Variants in EHMT1 observed in about 807,000 individuals in gnomAD.
EHMT1 encodes histone-lysine N-methyltransferase EHMT1.
A neutral mutation model predicts 147.2 loss-of-function variants in EHMT1; 15 were observed. That is an observed-to-expected ratio of 0.10 (90% CI 0.07 to 0.16). The LOEUF is 0.16. Among genes scored for constraint, EHMT1 ranks in the 10% least tolerant of loss-of-function variants. EHMT1 has a pLI of 1.00. For missense variants in EHMT1, 1,587 were observed against 1,772.4 expected (o/e 0.90, Z 1.88); for synonymous variants, 795 against 709.6 (o/e 1.12, Z -1.91).
At chr9:137,739,273 G>C (rs540733073) in intron 4 of EHMT1, among the ~76,000 whole-genome samples, 1 of 151,346 alleles carries the variant, frequency 6.6e-6, no homozygotes, top group Admixed American at 6.6e-5. Context: ...GGAGAATGGC[G>C]TGAACCCAGG....
At chr9:137,683,954 G>A (rs1394302113) in intron 1 of EHMT1, among the ~76,000 whole-genome samples, 1 of 151,966 alleles carries the variant, frequency 6.6e-6, no homozygotes, top group African/African-American at 2.4e-5. Flanking sequence ...TTAGAGAGAT[G>A]CTTGAACCCG....
chr9:137,766,479 G>A (rs566860830), intron 10 of EHMT1, among the ~76,000 whole-genome samples: 1 of 152,286 alleles, frequency 6.6e-6, no homozygotes, highest in African/African-American at 2.4e-5. Flanking sequence ...GCCACTTGTG[G>A]TGGCGCCTGC....
intron 3 of EHMT1, among the ~76,000 whole-genome samples, chr9:137,726,038 C>T (rs1946589877): frequency 6.6e-6 from 1 of 152,130 alleles, no homozygotes; most frequent in Admixed American, 6.5e-5. Context: ...TACTTATGAC[C>T]TTGGTTACTT....
rs748163301 is a variant in EHMT1 at position 137,782,271 on chromosome 9, A to G, written c.2276-20A>G. The G allele has an allele frequency of 2.5e-6, 4 of 1,599,336 alleles. No individual in the cohort carries two copies. The highest frequency in any genetic ancestry group is 3.4e-6 in the Non-Finnish European group (4 of 1,168,386). On this transcript the variant is annotated intron_variant, in intron 14 of 26. Transcript: ENST00000460843. The surrounding 1 kb of genome is among the most constrained non-coding windows in gnomAD (Gnocchi z 5.7). ...TGTGGCTACATCTGAAATCATTAAT[A>G]AAACTGTGTTTGTTCACAGTGGACG...
At position 137,775,309 on chromosome 9, in the gene EHMT1, T is replaced by A; in HGVS notation, c.1791+57T>A. ...TCCGCAGGCTTTGCTGTCTGCTCACTGGTGCTGGTTCCTGTCCTGTGTCCA... is the reference window on the plus strand; with the variant it reads ...TCCGCAGGCTTTGCTGTCTGCTCACAGGTGCTGGTTCCTGTCCTGTGTCCA... On this transcript the variant is annotated intron_variant, in intron 11 of 26. Transcript: ENST00000460843. The surrounding 1 kb of genome is among the most constrained non-coding windows in gnomAD (Gnocchi z 6.1). 1 of 1,593,376 alleles carries A rather than the reference T, an allele frequency of 6.3e-7. No individual in the cohort carries two copies. Among genetic ancestry groups the A allele is most frequent in the Non-Finnish European group, 8.5e-7 (1 of 1,176,564 alleles).
intron 1 of EHMT1, among the ~76,000 whole-genome samples, chr9:137,664,408 C>T (rs1470990137): frequency 2.6e-5 from 4 of 151,820 alleles, no homozygotes; most frequent in Admixed American, 2.6e-4. Context: ...TACAGGTGCC[C>T]TCCACCACAC....
chr9:137,705,628 C>T (rs1193831531), intron 1 of EHMT1, among the ~76,000 whole-genome samples: 4 of 152,288 alleles, frequency 2.6e-5, no homozygotes, highest in African/African-American at 2.4e-5. Flanking sequence ...GCCGTGCGGG[C>T]GCAGAGGTCA....
chr9:137,681,833 G>GTGC (rs1941970136), intron 1 of EHMT1, among the ~76,000 whole-genome samples: 1 of 152,190 alleles, frequency 6.6e-6, no homozygotes, highest in Non-Finnish European at 1.5e-5. Flanking sequence ...GTGAGACATT[G>GTGC]TGCTCATTCA....
At chr9:137,700,063 G>A (rs1477545275) in intron 1 of EHMT1, among the ~76,000 whole-genome samples, 2 of 152,132 alleles carry the variant, frequency 1.3e-5, no homozygotes, top group Non-Finnish European at 2.9e-5. Flanking sequence ...GAATAAAGAG[G>A]TTACTGTCTT....
intron 10 of EHMT1, among the ~76,000 whole-genome samples, chr9:137,768,529 A>AGTT (rs1950380449): frequency 5.5e-5 from 1 of 18,280 alleles, no homozygotes; most frequent in Admixed American, 8.8e-4. Flanking sequence ...AATTTTTTGT[A>AGTT]TTTTTTTTTT....
At chr9:137,781,347 ATGACGCTGAGACGTGTGGTG>A (rs1951520044) in intron 14 of EHMT1, among the ~76,000 whole-genome samples, 1 of 147,948 alleles carries the variant, frequency 6.8e-6, no homozygotes, top group Non-Finnish European at 1.5e-5. Context: ...ACGTGTGGTG[ATGACGCTGAGACGTGTGGTG>A]ATGACGCTGG....
At chr9:137,832,180 G>A (rs1956242715) in intron 25 of EHMT1, among the ~76,000 whole-genome samples, 1 of 149,078 alleles carries the variant, frequency 6.7e-6, no homozygotes, top group African/African-American at 2.5e-5. Context: ...TCCTAGGATT[G>A]GCCAGGCTCC....
At chr9:137,831,857 T>C (rs1956210396) in intron 25 of EHMT1, among the ~76,000 whole-genome samples, 3 of 152,132 alleles carry the variant, frequency 2.0e-5, no homozygotes, top group Admixed American at 2.0e-4. Flanking sequence ...GCTGGGCCCC[T>C]TCTGCAGGCC....
At position 137,728,444 on chromosome 9, in the gene EHMT1, A is replaced by G; in HGVS notation, c.738A>G (p.Arg246=). 6.2e-7 allele frequency: 1 copy of G among 1,614,190 alleles called. No homozygotes were observed. The highest frequency in any genetic ancestry group is 8.5e-7 in the Non-Finnish European group (1 of 1,180,044). ...ACAAAAACATTTCTGACTTTGGACGACAGCAGCTTTTACCCCCCTTCCCAT... is the reference window on the plus strand; with the variant it reads ...ACAAAAACATTTCTGACTTTGGACGGCAGCAGCTTTTACCCCCCTTCCCAT... ...EINKNISDFG[R]QQLLPPFPSL... is the part of the protein sequence containing the mutation. Residue 246 remains arginine, a synonymous_variant, in exon 4 of 27, where the codon CGA becomes CGG. Transcript: ENST00000460843.
intron 25 of EHMT1, among the ~76,000 whole-genome samples, chr9:137,819,811 G>A (rs1192548557): frequency 6.6e-6 from 1 of 151,976 alleles, no homozygotes; most frequent in Non-Finnish European, 1.5e-5. Flanking sequence ...CTGCCCAGGC[G>A]CTAGAATCTT....
At chr9:137,793,142 C>G (rs1211057459) in intron 16 of EHMT1, among the ~76,000 whole-genome samples, 1 of 152,114 alleles carries the variant, frequency 6.6e-6, no homozygotes. Context: ...TGACCAATAG[C>G]GTGAAAAGAC....
chr9:137,814,729 C>T, intron 22 of EHMT1: 1 of 624,112 alleles, frequency 1.6e-6, no homozygotes, highest in South Asian at 1.8e-5. Flanking sequence ...GGGCTGGGGT[C>T]TGCATCCTTT....
intron 1 of EHMT1, chr9:137,697,076 T>A: frequency 2.8e-6 from 1 of 360,998 alleles, no homozygotes; most frequent in East Asian, 1.1e-4. Context: ...AGGTCAGGAG[T>A]TAGAGACCAG....
At chr9:137,761,024 G>A (rs938518771) in intron 9 of EHMT1, among the ~76,000 whole-genome samples, 1 of 152,150 alleles carries the variant, frequency 6.6e-6, no homozygotes, top group Non-Finnish European at 1.5e-5. Flanking sequence ...ATAAAAAGAT[G>A]CACTAAGGCA....
Sources: allele counts gnomAD v4.1 joint callset (sites outside exome capture counted in the v4.1 genomes callset), GRCh38; gene constraint gnomAD v4.1.1; non-coding constraint Gnocchi (gnomAD v3.1); transcripts MANE v1.5; gene names NCBI Gene and HGNC (gene_info 2026-07-23, HGNC 2026-07-21).